NFATC3: variants seen among roughly 807,000 people sequenced by gnomAD.
The protein encoded by NFATC3 is nuclear factor of activated T-cells, cytoplasmic 3.
A neutral mutation model predicts 98.6 loss-of-function variants in NFATC3; 46 were observed. The ratio of observed to expected loss-of-function variants is 0.47; its 90% CI spans 0.37 to 0.60. NFATC3 has a LOEUF of 0.60. Ranked by LOEUF, NFATC3 falls within the 20% of genes least tolerant of loss-of-function variation. The pLI is 0.00. For missense variants in NFATC3, 1,256 were observed against 1,295.5 expected (o/e 0.97, Z 0.47); for synonymous variants, 512 against 472.2 (o/e 1.08, Z -1.09).
At chr16:68,148,735 C>T (rs959718034) in intron 3 of NFATC3, among the ~76,000 whole-genome samples, 4 of 152,178 alleles carry the variant, frequency 2.6e-5, no homozygotes, top group Non-Finnish European at 5.9e-5. Context: ...AGACCGGGCA[C>T]GGTGGTTCAC....
chr16:68,172,588 G>T (rs1301413086), intron 5 of NFATC3, among the ~76,000 whole-genome samples: 1 of 151,762 alleles, frequency 6.6e-6, no homozygotes. Context: ...GGAGACCAGC[G>T]TGGGTAACAT....
chr16:68,140,885 C>A (rs146724400), intron 3 of NFATC3, among the ~76,000 whole-genome samples: 1 of 152,062 alleles, frequency 6.6e-6, no homozygotes, highest in Non-Finnish European at 1.5e-5. Flanking sequence ...GATTTCAGTG[C>A]ACCTCTCACC....
chr16:68,210,669 G>T (rs1490375314), intron 9 of NFATC3, among the ~76,000 whole-genome samples: 1 of 151,904 alleles, frequency 6.6e-6, no homozygotes, highest in African/African-American at 2.4e-5. Flanking sequence ...CTTGCATTCT[G>T]GGAATAAAAC....
At chr16:68,101,734 C>G (rs1049769698) in intron 1 of NFATC3, among the ~76,000 whole-genome samples, 4 of 152,186 alleles carry the variant, frequency 2.6e-5, no homozygotes, top group Admixed American at 1.3e-4. Flanking sequence ...CCGCCCGCCT[C>G]TGCCTCCCAA....
intron 8 of NFATC3, among the ~76,000 whole-genome samples, chr16:68,184,825 AC>A (rs2040109378): frequency 2.1e-5 from 3 of 145,134 alleles, no homozygotes; most frequent in African/African-American, 5.3e-5. Flanking sequence ...AAACAAACAA[AC>A]AAACAAACAA....
intron 3 of NFATC3, among the ~76,000 whole-genome samples, chr16:68,155,950 A>C (rs2038589578): frequency 6.6e-6 from 1 of 152,202 alleles, no homozygotes; most frequent in African/African-American, 2.4e-5. Context: ...AATTACCTTG[A>C]GGAAAAGGTG....
At chr16:68,197,957 C>A (rs2040743771) in intron 9 of NFATC3, among the ~76,000 whole-genome samples, 1 of 152,164 alleles carries the variant, frequency 6.6e-6, no homozygotes, top group African/African-American at 2.4e-5. Flanking sequence ...TGGACATTAA[C>A]ATCAATTTTT....
intron 3 of NFATC3, among the ~76,000 whole-genome samples, chr16:68,131,555 G>C (rs980572741): frequency 3.9e-5 from 6 of 152,132 alleles, no homozygotes; most frequent in Admixed American, 6.5e-5. Context: ...TGGGATTAGA[G>C]GCGTGAGCCA....
chr16:68,163,763 G>A (rs1259120958), intron 4 of NFATC3, among the ~76,000 whole-genome samples: 15 of 151,328 alleles, frequency 9.9e-5, no homozygotes, highest in African/African-American at 3.2e-4. Context: ...CATCCCAGAC[G>A]GGGCGGTGGG....
chr16:68,089,283 A>G, intron 1 of NFATC3: 2 of 985,250 alleles, frequency 2.0e-6, no homozygotes, highest in Non-Finnish European at 2.4e-6. Flanking sequence ...TGCTAATTAG[A>G]TGATGTGAGA....
chr16:68,204,056 C>A (rs920144784), intron 9 of NFATC3, among the ~76,000 whole-genome samples: 3 of 152,106 alleles, frequency 2.0e-5, no homozygotes, highest in Non-Finnish European at 4.4e-5. Flanking sequence ...GGTGTGGTGG[C>A]ACACATCTGT....
chr16:68,164,464 C>T (rs1188522259), intron 4 of NFATC3, among the ~76,000 whole-genome samples: 3 of 152,140 alleles, frequency 2.0e-5, no homozygotes, highest in Non-Finnish European at 2.9e-5. Flanking sequence ...ATTACACTAA[C>T]GCATAAGTCA....
At chr16:68,144,629 G>C (rs2037939052) in intron 3 of NFATC3, among the ~76,000 whole-genome samples, 1 of 152,006 alleles carries the variant, frequency 6.6e-6, no homozygotes. Flanking sequence ...ACAGGCGTGA[G>C]CCACTGCGCC....
Position 68,191,152 on chromosome 16 carries a change from A to G in NFATC3, c.2483A>G (p.Asp828Gly). ...AATGCTGCCTCTAGTCAAGAATTTG[A>G]TTCAGTTTTGTTTCAGCAGGATGCA... ...PINAASSQEF[D>G]SVLFQQDATL... Residue 828 changes from aspartate to glycine, a missense_variant, in exon 9 of 10, where the codon GAT (aspartate) becomes GGT (glycine). Transcript: ENST00000346183. The G allele has an allele frequency of 6.2e-7, 1 of 1,614,144 alleles. No homozygotes were observed.
chr16:68,139,707 A>G (rs577586698), intron 3 of NFATC3, among the ~76,000 whole-genome samples: 1 of 152,322 alleles, frequency 6.6e-6, no homozygotes, highest in East Asian at 1.9e-4. Flanking sequence ...CTTTTCTTCA[A>G]AATAAGTTAT....
intron 1 of NFATC3, among the ~76,000 whole-genome samples, chr16:68,112,413 G>T (rs764980830): frequency 6.6e-6 from 1 of 150,590 alleles, no homozygotes. Context: ...GAGTAGCTGG[G>T]ACTACAGGCA....
chr16:68,122,666 A>G lies in NFATC3; in HGVS notation c.783A>G (p.Ser261=), dbSNP rs773588785. The part of the protein sequence containing the change: ...DENWLSPRPA[S]GPSSRPTSPC... The stretch of plus-strand genomic sequence containing the variant: ...ATTGGCTGAGCCCCAGGCCAGCCTC[A>G]GGACCCTCATCAAGGCCCACATCCC... Residue 261 remains serine (S), a synonymous_variant, in exon 2 of 10, where the codon TCA becomes TCG. Transcript: ENST00000346183. 3 of 1,614,146 alleles carry G rather than the reference A, an allele frequency of 1.9e-6. No homozygotes were observed. The highest frequency in any genetic ancestry group is 3.3e-5 in the Admixed American group (2 of 60,024).
chr16:68,122,969 A>G lies in NFATC3; in HGVS notation c.1086A>G (p.Gln362=). Residue 362 remains glutamine, a synonymous_variant, in exon 2 of 10, where the codon CAA becomes CAG. Transcript: ENST00000346183. ...PGKLELCSDD[Q]GSLSPARETS... ...AATTAGAGCTGTGTTCAGATGACCA[A>G]GGGAGTTTATCACCAGCCCGGGAGA... is the stretch of plus-strand genomic sequence containing the variant. The G allele has an allele frequency of 3.1e-6, 5 of 1,614,196 alleles. No individual in the cohort carries two copies. The highest frequency in any genetic ancestry group is 4.2e-6 in the Non-Finnish European group (5 of 1,180,036).
rs1404018931 is a variant in NFATC3, at chr16:68,219,247, G to A, written c.3107-7103G>A. Among the ~76,000 whole-genome samples the A allele has an allele frequency of 2.6e-5, 4 of 152,140 alleles. No homozygotes were observed. The East Asian group carries it at 7.7e-4, about 29-fold the overall frequency. ...ATACAAAAAAAATTAGCTGGGCATG[G>A]TGGCAGGTACCTGTAATCCCAGCTA... On this transcript the variant is annotated intron_variant, in intron 9 of 9. Transcript: ENST00000346183.
Sources: gnomAD v4.1 joint callset for allele counts (sites outside exome capture counted in the v4.1 genomes callset) on GRCh38, gnomAD v4.1.1 for gene constraint, MANE v1.5 for transcripts, NCBI Gene and HGNC (gene_info 2026-07-23, HGNC 2026-07-21) for gene names.